The following NCKAP1 variants were observed in gnomAD, a reference collection of about 807,000 sequenced individuals.
NCKAP1 encodes the protein nck-associated protein 1.
NCKAP1 carries 21 observed loss-of-function variants against 151.2 expected under a neutral mutation model. The observed-to-expected ratio is 0.14, with a 90% confidence interval of 0.10 to 0.20. The LOEUF (loss-of-function observed/expected upper bound fraction) is 0.20, where lower values mean the gene tolerates loss of function less well. NCKAP1 is among the 10% of genes least tolerant of loss of function. The pLI, the probability that NCKAP1 is intolerant of heterozygous loss-of-function variation, is 1.00. For missense variants in NCKAP1, 933 were observed against 1,352.1 expected (o/e 0.69, Z 4.86); for synonymous variants, 484 against 451.8 (o/e 1.07, Z -0.90).
At chr2:182,956,868 T>C in intron 19 of NCKAP1, 1 of 247,828 alleles carries the variant, frequency 4.0e-6, no homozygotes, top group Non-Finnish European at 7.5e-6. Flanking sequence ...ATAAAGATAA[T>C]CACGCCCAAT....
chr2:182,956,254 A>T (rs1335415659), intron 20 of NCKAP1, among the ~76,000 whole-genome samples: 1 of 152,052 alleles, frequency 6.6e-6, no homozygotes, highest in Non-Finnish European at 1.5e-5. Context: ...GTTAGCCAGG[A>T]TGGTCTCGAT....
chr2:182,926,706 A>C, intron 30 of NCKAP1, 110 bp downstream of exon 30: 1 of 653,322 alleles, frequency 1.5e-6, no homozygotes. Context: ...GCTTACGTGA[A>C]GTGAACAAAA....
intron 1 of NCKAP1, among the ~76,000 whole-genome samples, chr2:183,028,827 T>C (rs1304597417): frequency 6.6e-6 from 1 of 152,084 alleles, no homozygotes; most frequent in African/African-American, 2.4e-5. Flanking sequence ...ATAAAAACAA[T>C]TCTAGGCTGG....
chr2:182,935,266 G>T (rs768915279), intron 25 of NCKAP1, 27 bp downstream of exon 25: 1 of 1,414,326 alleles, frequency 7.1e-7, no homozygotes, highest in South Asian at 1.3e-5. Flanking sequence ...TTTGGATACC[G>T]AGTATATACT....
intron 13 of NCKAP1, among the ~76,000 whole-genome samples, chr2:182,980,313 A>T (rs1046438438): frequency 3.3e-5 from 5 of 151,956 alleles, no homozygotes; most frequent in African/African-American, 4.8e-5. Context: ...GGTAAAAAAA[A>T]TTACATGAAC....
intron 6 of NCKAP1, among the ~76,000 whole-genome samples, chr2:182,999,211 C>T (rs1698331866): frequency 6.6e-6 from 1 of 151,982 alleles, no homozygotes; most frequent in Non-Finnish European, 1.5e-5. Context: ...AAAGAGACAA[C>T]TTACAGAATG....
At chr2:183,027,693 A>G (rs905975653) in intron 1 of NCKAP1, among the ~76,000 whole-genome samples, 1 of 152,138 alleles carries the variant, frequency 6.6e-6, no homozygotes, top group Admixed American at 6.5e-5. Context: ...TATCTCTACA[A>G]AAAAATTTTT....
chr2:182,951,270 T>C (rs896084317), intron 23 of NCKAP1, among the ~76,000 whole-genome samples: 1 of 152,162 alleles, frequency 6.6e-6, no homozygotes, highest in African/African-American at 2.4e-5. Flanking sequence ...ACTTGTTCTA[T>C]ATATTTGCTC....
Position 183,009,414 on chromosome 2 carries a change from G to GAGGGA in NCKAP1, c.220-6094_220-6090dup, listed in dbSNP as rs1383624493. ...GGGAGGGGGAGGGGGAGACAGGAAAGAGGGAAGGGAAGGAAGGAAGGAAGG... is the reference window on the plus strand; with the variant it reads ...GGGAGGGGGAGGGGGAGACAGGAAAGAGGGAAGGGAAGGGAAGGAAGGAAGGAAGG... On this transcript the variant is annotated intron_variant, in intron 2 of 30. Coordinates refer to ENST00000361354, the MANE Select transcript of NCKAP1 (RefSeq NM_013436.5). 7.0e-5 allele frequency among the ~76,000 whole-genome samples: 10 copies of GAGGGA among 142,928 alleles called. 1 individual carries two copies. The highest frequency in any genetic ancestry group is 4.7e-4 in the South Asian group (2 of 4,230). The allele number at this position is 142,928 out of a possible 152,430, so 93.8% of individuals were successfully genotyped here. A position where few individuals can be genotyped will look rare whatever the true frequency, so the allele number is the denominator to read the frequency against.
chr2:182,964,687 A>G lies in NCKAP1; in HGVS notation c.1750T>C (p.Cys584Arg). 6.2e-7 allele frequency: 1 copy of G among 1,600,234 alleles called. No individual in the cohort carries two copies. The highest frequency in any genetic ancestry group is 8.5e-7 in the Non-Finnish European group (1 of 1,173,522). ...THFMSCTHELCPEERHHIGDR... is the reference protein window; with the variant it reads ...THFMSCTHELRPEERHHIGDR... The stretch of plus-strand genomic sequence containing the variant: ...TACACTATAATTACCTCTTCTGGAC[A>G]TAGTTCATGCGTGCAACTCATAAAA... The change falls in exon 17 of 31, where the codon TGT becomes CGT. Residue 584 changes from cysteine (C) to arginine (R), a missense_variant. Cys to Arg is a radical substitution (Grantham distance 180). Transcript: ENST00000361354.
rs1696531459 is a variant in NCKAP1, at chr2:182,920,429, T to G, written c.*5273A>C. On this transcript the variant is annotated 3_prime_UTR_variant, in exon 31 of 31. Coordinates refer to ENST00000361354, the MANE Select transcript of NCKAP1 (RefSeq NM_013436.5). ...AGCCACATCATTCCAGTGTCACATT[T>G]CTAGAACCAAAATATGAGTCCGTGT... The G allele has an allele frequency of 6.6e-6, 1 of 152,216 alleles. No homozygotes were observed. Among genetic ancestry groups the G allele is most frequent in the Non-Finnish European group, 1.5e-5 (1 of 68,040 alleles). The allele number at this position is 152,216 out of a possible 1,614,324, so 9.4% of individuals were successfully genotyped here.
At chr2:182,966,025 C>T (rs1697562804) in intron 16 of NCKAP1, among the ~76,000 whole-genome samples, 1 of 152,142 alleles carries the variant, frequency 6.6e-6, no homozygotes, top group African/African-American at 2.4e-5. Context: ...GCTTTCCTAA[C>T]AAACTGCCAA....
chr2:182,949,638 C>A (rs1697176156), intron 23 of NCKAP1, among the ~76,000 whole-genome samples: 1 of 151,986 alleles, frequency 6.6e-6, no homozygotes, highest in South Asian at 2.1e-4. Flanking sequence ...CCTGTCTCTA[C>A]AAAAAATTAG....
intron 17 of NCKAP1, among the ~76,000 whole-genome samples, chr2:182,964,440 T>C (rs1014157832): frequency 6.6e-6 from 1 of 152,170 alleles, no homozygotes; most frequent in Non-Finnish European, 1.5e-5. Context: ...CCACCATTTA[T>C]CTTAAAAAAG....
At chr2:183,019,501 A>C (rs1165010307) in intron 2 of NCKAP1, among the ~76,000 whole-genome samples, 2 of 152,226 alleles carry the variant, frequency 1.3e-5, no homozygotes. Context: ...TTCTTCATCC[A>C]GGAAAATAAC....
At chr2:182,982,961 C>G (rs770871973) in intron 11 of NCKAP1, 34 bp from the exon 12 acceptor site, 8 of 1,473,270 alleles carry the variant, frequency 5.4e-6, no homozygotes, top group Non-Finnish European at 7.4e-6. Flanking sequence ...TATTCTTATT[C>G]AAAGATTAAA....
chr2:182,935,993 A>C (rs1696866685), intron 24 of NCKAP1, among the ~76,000 whole-genome samples: 1 of 152,142 alleles, frequency 6.6e-6, no homozygotes, highest in African/African-American at 2.4e-5. Flanking sequence ...ATGGTGGTTC[A>C]CATCTGTAAT....
At chr2:182,963,198 A>G (rs1697493412) in intron 17 of NCKAP1, among the ~76,000 whole-genome samples, 2 of 152,106 alleles carry the variant, frequency 1.3e-5, no homozygotes, top group South Asian at 2.1e-4. Context: ...AAATCAAAAA[A>G]AAGATTTACA....
intron 11 of NCKAP1, among the ~76,000 whole-genome samples, 172 bp from the exon 12 acceptor site, chr2:182,983,099 T>C (rs192686158): frequency 1.1e-4 from 16 of 152,274 alleles, no homozygotes; most frequent in Admixed American, 5.9e-4. Flanking sequence ...AGAGAGAGCA[T>C]GCATATAAGG....
Sources: gnomAD v4.1 joint callset for allele counts (sites outside exome capture counted in the v4.1 genomes callset) on GRCh38, gnomAD v4.1.1 for gene constraint, MANE v1.5 for transcripts, NCBI Gene and HGNC (gene_info 2026-07-23, HGNC 2026-07-21) for gene names.